The following SLCO1B3 variants were observed in gnomAD, a reference collection of about 807,000 sequenced individuals.
SLCO1B3 encodes solute carrier organic anion transporter family member 1B3.
SLCO1B3 carries 72 observed loss-of-function variants against 71.8 expected under a neutral mutation model. The observed-to-expected ratio is 1.00, with a 90% CI of 0.83 to 1.22. The LOEUF is 1.22. SLCO1B3 is among the 50% of genes most tolerant of loss of function. SLCO1B3 has a pLI of 0.00. For synonymous variants in SLCO1B3, 298 were observed against 278.4 expected (o/e 1.07, Z -0.70); for missense variants, 911 against 819.7 (o/e 1.11, Z -1.36).
chr12:20,841,653 T>C (rs1458571087), intron 3 of SLCO1B3, among the ~76,000 whole-genome samples: 1 of 152,162 alleles, frequency 6.6e-6, no homozygotes, highest in Non-Finnish European at 1.5e-5. Flanking sequence ...GGGAGTTTGG[T>C]GTACAGATTA....
intron 12 of SLCO1B3, among the ~76,000 whole-genome samples, chr12:20,882,123 T>A (rs4149148): frequency 6.6e-6 from 1 of 151,508 alleles, no homozygotes; most frequent in African/African-American, 2.4e-5. Flanking sequence ...TGTTGTCCAG[T>A]AGTGAAGACC....
At position 20,916,042 on chromosome 12, in the gene SLCO1B3, C is replaced by A; in HGVS notation, c.1904C>A (p.Pro635Gln). The A allele has an allele frequency of 1.2e-6, 2 of 1,610,014 alleles. No homozygotes were observed. Among genetic ancestry groups the A allele is most frequent in the East Asian group, 2.2e-5 (1 of 44,740 alleles). Residue 635 changes from proline (P) to glutamine (Q), a missense_variant, in exon 16 of 16, where the codon CCA (proline) becomes CAA (glutamine). Transcript: ENST00000381545. The part of the protein sequence containing the change: ...YLGLSIALRF[P>Q]ALVLYIVFIF... The stretch of plus-strand genomic sequence containing the variant: ...GGCTTATCTATAGCTTTAAGATTCC[C>A]AGCACTTGTTTTATATATTGTTTTC...
intron 8 of SLCO1B3, among the ~76,000 whole-genome samples, chr12:20,868,838 C>A (rs1296698444): frequency 6.6e-6 from 1 of 152,092 alleles, no homozygotes; most frequent in African/African-American, 2.4e-5. Flanking sequence ...ATCACATGTC[C>A]ACTAGACAGG....
chr12:20,844,912 C>T (rs140700761), intron 3 of SLCO1B3, among the ~76,000 whole-genome samples: 4,593 of 151,188 alleles, frequency 0.03, 124 homozygotes, highest in Middle Eastern at 0.068. Flanking sequence ...TGCCTGTAAT[C>T]TCAGCTACTC....
chr12:20,826,783 A>C (rs1208517212), intron 3 of SLCO1B3, among the ~76,000 whole-genome samples: 3 of 151,870 alleles, frequency 2.0e-5, no homozygotes, highest in African/African-American at 4.8e-5. Flanking sequence ...CTTTCTGTGT[A>C]TCTCTCTTAT....
At chr12:20,865,606 A>C (rs1229276056) in intron 8 of SLCO1B3, among the ~76,000 whole-genome samples, 1 of 152,118 alleles carries the variant, frequency 6.6e-6, no homozygotes, top group East Asian at 1.9e-4. Flanking sequence ...TTTTTTTGAT[A>C]AATGTATTGG....
At chr12:20,861,280 C>CATTAACAGTATGATT in intron 6 of SLCO1B3, 142 bp downstream of exon 6, 1 of 707,078 alleles carries the variant, frequency 1.4e-6, no homozygotes, top group Non-Finnish European at 2.2e-6. Flanking sequence ...CAAAATCATA[C>CATTAACAGTATGATT]TGTTAATGTA....
At chr12:20,880,757 C>T in intron 11 of SLCO1B3, 98 bp from the exon 12 acceptor site, 1 of 671,096 alleles carries the variant, frequency 1.5e-6, no homozygotes, top group South Asian at 3.3e-5. Context: ...CTTCCTCCTC[C>T]TCTATTTCCC....
In SLCO1B3 at chr12:20,866,791, A is replaced by C. The variant is rs4762684; in HGVS notation, c.727+3937A>C. Among the ~76,000 whole-genome samples, 212 of 151,952 alleles carry C rather than the reference A, an allele frequency of 1.4e-3. 6 individuals are homozygous for C. The East Asian group carries it at 0.031, about 22-fold the overall frequency. On this transcript the variant is annotated intron_variant, in intron 8 of 15. Transcript: ENST00000381545. ...GAAGATAAGTGAGTACCAGTATTTA[A>C]GGCAGGAAGGGATAGGCTAACGCTG...
In SLCO1B3 at chr12:20,916,698, A is replaced by G. The variant is rs959246020; in HGVS notation, c.*451A>G. The G allele has an allele frequency of 4.3e-4, 65 of 152,180 alleles. 5 individuals carry two copies. The allele number at this position is 152,180 out of a possible 1,614,324, so 9.4% of individuals were successfully genotyped here. ...TTAAGTTGTATATTTTTCAGAAATT[A>G]TAAATATTATTAATTTAAAATTTGA... On this transcript the variant is annotated 3_prime_UTR_variant, in exon 16 of 16. Transcript: ENST00000381545.
chr12:20,836,710 C>T (rs1041204799), intron 3 of SLCO1B3, among the ~76,000 whole-genome samples: 2 of 152,114 alleles, frequency 1.3e-5, no homozygotes, highest in African/African-American at 4.8e-5. Context: ...GGTGCTGTCT[C>T]AGCTCACTGC....
At chr12:20,825,600 A>G (rs755811945) in intron 3 of SLCO1B3, among the ~76,000 whole-genome samples, 1 of 152,122 alleles carries the variant, frequency 6.6e-6, no homozygotes, top group Non-Finnish European at 1.5e-5. Flanking sequence ...CTTCAAGACC[A>G]GCCTGGCCAA....
At chr12:20,902,914 C>CA (rs951362622) in intron 15 of SLCO1B3, among the ~76,000 whole-genome samples, 13 of 150,114 alleles carry the variant, frequency 8.7e-5, no homozygotes, top group South Asian at 2.1e-4. Flanking sequence ...AGTAAAAATA[C>CA]AAAAAAAAAT....
chr12:20,887,586 T>A (rs1865816614), intron 13 of SLCO1B3, among the ~76,000 whole-genome samples: 1 of 151,922 alleles, frequency 6.6e-6, no homozygotes, highest in South Asian at 2.1e-4. Flanking sequence ...TTTATTGAGT[T>A]GTTTGAGTTC....
intron 15 of SLCO1B3, among the ~76,000 whole-genome samples, chr12:20,911,864 T>C (rs1866384466): frequency 6.6e-6 from 1 of 152,166 alleles, no homozygotes; most frequent in Admixed American, 6.5e-5. Flanking sequence ...ATTTTATTGA[T>C]TTTTTTCTGA....
chr12:20,824,316 A>G (rs1158745350), intron 3 of SLCO1B3, among the ~76,000 whole-genome samples: 1 of 152,196 alleles, frequency 6.6e-6, no homozygotes, highest in Non-Finnish European at 1.5e-5. Context: ...GTTCTGCTCA[A>G]TATTGGATCA....
chr12:20,843,484 A>G (rs928862981), intron 3 of SLCO1B3, among the ~76,000 whole-genome samples: 9 of 152,122 alleles, frequency 5.9e-5, no homozygotes, highest in Middle Eastern at 3.2e-3. Context: ...TCTTACCTCA[A>G]TACTTCAAAA....
chr12:20,893,090 C>G (rs556283764), intron 13 of SLCO1B3, among the ~76,000 whole-genome samples: 19 of 152,132 alleles, frequency 1.2e-4, no homozygotes, highest in African/African-American at 4.1e-4. Flanking sequence ...GCCTAAAGAG[C>G]TAGGGCTGGA....
At chr12:20,913,062 C>G (rs904461751) in intron 15 of SLCO1B3, among the ~76,000 whole-genome samples, 6 of 152,016 alleles carry the variant, frequency 3.9e-5, no homozygotes, top group Non-Finnish European at 7.4e-5. Context: ...ACTTTGTAGT[C>G]TGTTGCTGTT....
Sources: gnomAD v4.1 joint callset for allele counts (sites outside exome capture counted in the v4.1 genomes callset) on GRCh38, gnomAD v4.1.1 for gene constraint, MANE v1.5 for transcripts, NCBI Gene and HGNC (gene_info 2026-07-23, HGNC 2026-07-21) for gene names.